The following PDE1A variants were observed in gnomAD, a reference collection of about 807,000 sequenced individuals.
PDE1A encodes the protein phosphodiesterase 1A.
In PDE1A, 35 loss-of-function variants were observed where a neutral mutation model predicts 61.7. The observed-to-expected ratio is 0.57, with a 90% confidence interval of 0.43 to 0.75. PDE1A has a LOEUF of 0.75. PDE1A is among the 30% of genes least tolerant of loss of function. The pLI is 0.00. For missense variants in PDE1A, 597 were observed against 630.6 expected (o/e 0.95, Z 0.57); for synonymous variants, 232 against 213.2 (o/e 1.09, Z -0.77).
intron 1 of PDE1A, among the ~76,000 whole-genome samples, chr2:182,377,064 C>G (rs1452421357): frequency 1.3e-5 from 2 of 152,118 alleles, no homozygotes. Context: ...TAGAGCCAAA[C>G]CATATCAACT....
In PDE1A at chr2:182,201,138, GTC is replaced by G. The variant is rs372548835; in HGVS notation, c.1125+299_1125+300del. 1.9e-4 allele frequency among the ~76,000 whole-genome samples: 29 copies of G among 152,256 alleles called. No homozygotes were observed. In the East Asian group the frequency reaches 5.4e-3, roughly 28 times the overall value. Reference sequence around the variant, plus strand: ...CTTTCTATTATGAAAGCTATTTGCTGTCTCTGCTGTGGCACTTACGTCTTAAC... The same window carrying G: ...CTTTCTATTATGAAAGCTATTTGCTGTCTGCTGTGGCACTTACGTCTTAAC... On this transcript the variant is annotated intron_variant, in intron 10 of 13. Coordinates refer to ENST00000351439, the Ensembl canonical transcript of PDE1A.
chr2:182,293,155 T>G (rs1283107176), intron 1 of PDE1A, among the ~76,000 whole-genome samples: 1 of 152,098 alleles, frequency 6.6e-6, no homozygotes, highest in Non-Finnish European at 1.5e-5. Flanking sequence ...CAGTCATCAG[T>G]TACCCTCTGT....
chr2:182,683,848 G>A, the PDE1A span, among the ~76,000 whole-genome samples: 4 of 152,178 alleles, frequency 2.6e-5, no homozygotes, highest in East Asian at 1.9e-4. Flanking sequence ...GGCTGGGAGC[G>A]GGGGCTCACG....
rs530422801 is a variant in PDE1A, at chr2:182,236,570, C to T, written c.351-2072G>A. ...ACACATGCTTTGAATCACATGTTAGCCACTCACTGCTGTGTGACCTTTGGA... is the reference window on the plus strand; with the variant it reads ...ACACATGCTTTGAATCACATGTTAGTCACTCACTGCTGTGTGACCTTTGGA... On this transcript the variant is annotated intron_variant, in intron 3 of 13. Coordinates refer to ENST00000351439, the Ensembl canonical transcript of PDE1A. Among the ~76,000 whole-genome samples, 11 of 152,288 alleles carry T rather than the reference C, an allele frequency of 7.2e-5. No individual in the cohort carries two copies. In the South Asian group the frequency reaches 2.3e-3, roughly 32 times the overall value.
intron 2 of PDE1A, among the ~76,000 whole-genome samples, chr2:182,475,915 T>G (rs368106175): frequency 1.1e-3 from 165 of 151,970 alleles, no homozygotes; most frequent in African/African-American, 3.8e-3. Flanking sequence ...GTTTTTAAGA[T>G]AACACAGAAA....
At chr2:182,677,306 T>C in the PDE1A span, among the ~76,000 whole-genome samples, 5 of 152,044 alleles carry the variant, frequency 3.3e-5, no homozygotes, top group African/African-American at 4.8e-5. Flanking sequence ...CCATTCACAA[T>C]TGCCATAAAA....
At chr2:182,300,974 A>G (rs78042632) in intron 1 of PDE1A, among the ~76,000 whole-genome samples, 7,771 of 152,248 alleles carry the variant, frequency 0.051, 285 homozygotes, top group Non-Finnish European at 0.081. Flanking sequence ...AATATCTGAC[A>G]TTTTCCTACC....
chr2:182,194,396 C>T (rs541008020), intron 10 of PDE1A, among the ~76,000 whole-genome samples: 2 of 152,260 alleles, frequency 1.3e-5, no homozygotes, highest in East Asian at 3.9e-4. Context: ...TGATCTCTCT[C>T]TCCTATCAGT....
upstream of PDE1A, among the ~76,000 whole-genome samples, chr2:182,429,698 T>C (rs1043008864): frequency 3.9e-5 from 6 of 152,150 alleles, no homozygotes; most frequent in South Asian, 2.1e-4. Context: ...TCAACCCATG[T>C]GACTTTTCCA....
chr2:182,580,897 A>T, the PDE1A span, among the ~76,000 whole-genome samples: 1 of 152,088 alleles, frequency 6.6e-6, no homozygotes, highest in Non-Finnish European at 1.5e-5. Context: ...CACATAAATT[A>T]CATGCCTTGC....
upstream of PDE1A, among the ~76,000 whole-genome samples, chr2:182,427,201 G>A (rs956551951): frequency 9.2e-5 from 14 of 152,092 alleles, no homozygotes; most frequent in Admixed American, 5.2e-4. Context: ...AGATAGGCTC[G>A]GGTTGCATGG....
chr2:182,511,799 C>A (rs1689812024), intron 2 of PDE1A, among the ~76,000 whole-genome samples: 1 of 152,176 alleles, frequency 6.6e-6, no homozygotes, highest in Non-Finnish European at 1.5e-5. Flanking sequence ...AGATACTGAA[C>A]TGGGGTGCTT....
intron 2 of PDE1A, among the ~76,000 whole-genome samples, chr2:182,489,587 A>C (rs1319010192): frequency 6.6e-6 from 1 of 152,174 alleles, no homozygotes; most frequent in Admixed American, 6.5e-5. Context: ...TATATTTTGA[A>C]GGTAGATTCC....
chr2:182,692,669 AAAAATATATATATATAT>A, the PDE1A span, among the ~76,000 whole-genome samples: 1 of 148,206 alleles, frequency 6.7e-6, no homozygotes, highest in Non-Finnish European at 1.5e-5. Context: ...AAAGTATAAT[AAAAATATATATATATAT>A]AAAATATATA....
chr2:182,511,933 T>C (rs1293187473), intron 2 of PDE1A, among the ~76,000 whole-genome samples: 4 of 152,138 alleles, frequency 2.6e-5, no homozygotes. Context: ...TGCCAACACA[T>C]GTTCACAAAT....
chr2:182,627,229 T>A, the PDE1A span, among the ~76,000 whole-genome samples: 1,160 of 24,648 alleles, frequency 0.047, 1 homozygote, highest in Admixed American at 0.072. Context: ...AATAATATAT[T>A]ATTTATATAT....
chr2:182,151,320 T>C (rs1239941027), intron 13 of PDE1A, among the ~76,000 whole-genome samples: 2 of 152,146 alleles, frequency 1.3e-5, no homozygotes, highest in Non-Finnish European at 2.9e-5. Context: ...GCCAAGCTGG[T>C]CTTGAACTCC....
chr2:182,600,676 C>G, the PDE1A span, among the ~76,000 whole-genome samples: 1 of 152,188 alleles, frequency 6.6e-6, no homozygotes, highest in African/African-American at 2.4e-5. Flanking sequence ...AAAGTTAGCC[C>G]AGCCATGCAT....
the PDE1A span, among the ~76,000 whole-genome samples, chr2:182,679,392 G>T: frequency 6.1e-5 from 9 of 147,268 alleles, no homozygotes; most frequent in South Asian, 1.7e-3. Flanking sequence ...GTAGAGACGG[G>T]GTTTCACCGT....
Sources: gnomAD v4.1 joint callset for allele counts (sites outside exome capture counted in the v4.1 genomes callset) on GRCh38, gnomAD v4.1.1 for gene constraint, MANE v1.5 for transcripts, NCBI Gene and HGNC (gene_info 2026-07-23, HGNC 2026-07-21) for gene names.